DPP6: variants seen among roughly 807,000 people sequenced by gnomAD.
The protein encoded by DPP6 is dipeptidyl peptidase like 6, also known as A-type potassium channel modulatory protein DPP6.
A neutral mutation model predicts 122.6 loss-of-function variants in DPP6; 69 were observed. The ratio of observed to expected loss-of-function variants is 0.56; its 90% CI spans 0.46 to 0.69. The LOEUF is 0.69. DPP6 is among the 30% of genes least tolerant of loss of function. The pLI is 0.00. For synonymous variants in DPP6, 418 were observed against 433.1 expected (o/e 0.97, Z 0.43); for missense variants, 928 against 1,116.9 (o/e 0.83, Z 2.41).
intron 7 of DPP6, among the ~76,000 whole-genome samples, chr7:154,680,952 C>G (rs1839244805): frequency 6.6e-6 from 1 of 152,086 alleles, no homozygotes; most frequent in South Asian, 2.1e-4. Context: ...AGCAGAATAA[C>G]AAAATTCAAG....
chr7:154,215,350 G>T (rs994571997), intron 1 of DPP6, among the ~76,000 whole-genome samples: 1 of 152,098 alleles, frequency 6.6e-6, no homozygotes, highest in Non-Finnish European at 1.5e-5. Flanking sequence ...TCCACAGGTG[G>T]GGATTACAAT....
intron 3 of DPP6, among the ~76,000 whole-genome samples, chr7:154,522,965 C>T (rs1033068744): frequency 2.0e-5 from 3 of 152,202 alleles, no homozygotes; most frequent in Non-Finnish European, 4.4e-5. Context: ...TCCCCCAAAA[C>T]CCACCTCTGG....
chr7:154,389,145 C>T (rs186960672), intron 1 of DPP6, among the ~76,000 whole-genome samples: 47 of 152,188 alleles, frequency 3.1e-4, no homozygotes, highest in East Asian at 5.8e-4. Context: ...TATGTAGAAA[C>T]GTCGATAAAT....
intron 1 of DPP6, among the ~76,000 whole-genome samples, chr7:154,229,618 G>A (rs1450442623): frequency 6.6e-6 from 1 of 152,096 alleles, no homozygotes; most frequent in Admixed American, 6.5e-5. Flanking sequence ...ATTAAAACAA[G>A]TTTTTTTATT....
At chr7:154,637,051 C>T (rs896870933) in intron 5 of DPP6, among the ~76,000 whole-genome samples, 4 of 152,160 alleles carry the variant, frequency 2.6e-5, no homozygotes, top group Admixed American at 1.3e-4. Flanking sequence ...AGGAGGCTGG[C>T]GATGAAGGAT....
chr7:153,869,213 C>G, the DPP6 span, among the ~76,000 whole-genome samples: 1 of 152,298 alleles, frequency 6.6e-6, no homozygotes, highest in East Asian at 1.9e-4. Flanking sequence ...TCCTTGTTAA[C>G]TTTCTGTCTC....
chr7:154,752,302 T>G (rs985578672), intron 8 of DPP6, among the ~76,000 whole-genome samples: 2 of 152,178 alleles, frequency 1.3e-5, no homozygotes, highest in Admixed American at 6.5e-5. Context: ...GGCTTTCTGT[T>G]GTTGGAGGAG....
intron 1 of DPP6, among the ~76,000 whole-genome samples, chr7:154,343,892 T>C (rs531634517): frequency 7.2e-4 from 110 of 152,320 alleles, no homozygotes; most frequent in African/African-American, 2.5e-3. Context: ...ATTTTTGTAT[T>C]ATTAGTAGAG....
intron 10 of DPP6, among the ~76,000 whole-genome samples, chr7:154,776,264 AT>A (rs1796566382): frequency 7.8e-6 from 1 of 127,746 alleles, no homozygotes; most frequent in South Asian, 2.5e-4. Flanking sequence ...TAGATAGATG[AT>A]TGATAGACAG....
At chr7:154,572,146 T>C (rs984728230) in intron 5 of DPP6, among the ~76,000 whole-genome samples, 1 of 152,192 alleles carries the variant, frequency 6.6e-6, no homozygotes, top group African/African-American at 2.4e-5. Flanking sequence ...AGTTTTCATA[T>C]TTGATAAATT....
intron 1 of DPP6, among the ~76,000 whole-genome samples, chr7:154,114,392 A>G (rs1485768677): frequency 6.6e-6 from 1 of 152,114 alleles, no homozygotes; most frequent in East Asian, 1.9e-4. Context: ...GATAATATGA[A>G]GGCTAAATGA....
chr7:154,623,606 C>CGCACGT (rs1834853725), intron 5 of DPP6, among the ~76,000 whole-genome samples: 1 of 93,364 alleles, frequency 1.1e-5, no homozygotes, highest in Non-Finnish European at 2.3e-5. Context: ...CACGCTGACA[C>CGCACGT]ACACGCACGT....
At chr7:154,822,164 G>A (rs1799834607) in intron 16 of DPP6, among the ~76,000 whole-genome samples, 1 of 152,202 alleles carries the variant, frequency 6.6e-6, no homozygotes. Context: ...AGCTCCCAGA[G>A]GCAAGACTGT....
intron 1 of DPP6, among the ~76,000 whole-genome samples, chr7:154,060,867 AC>A (rs1201906637): frequency 1.7e-4 from 18 of 105,356 alleles, no homozygotes; most frequent in African/African-American, 6.7e-4. Context: ...CTTAGGACCC[AC>A]ATCACAGAGT....
chr7:154,423,330 G>A (rs886431052), intron 1 of DPP6, among the ~76,000 whole-genome samples: 6 of 152,056 alleles, frequency 3.9e-5, no homozygotes, highest in African/African-American at 1.4e-4. Context: ...TGGTGTCTGC[G>A]AACTGGCAAT....
At chr7:154,001,555 G>A (rs1585158042) in intron 1 of DPP6, among the ~76,000 whole-genome samples, 1 of 152,002 alleles carries the variant, frequency 6.6e-6, no homozygotes. Flanking sequence ...GGAACTGACA[G>A]CTCCACTGCT....
chr7:154,311,014 G>A (rs1001935949), intron 1 of DPP6, among the ~76,000 whole-genome samples: 2 of 152,154 alleles, frequency 1.3e-5, no homozygotes, highest in Non-Finnish European at 2.9e-5. Flanking sequence ...ATATAATTCG[G>A]GGAGAAAGTG....
intron 21 of DPP6, chr7:154,884,369 TTACA>T (rs759083491): frequency 5.0e-5 from 7 of 139,352 alleles, no homozygotes; most frequent in South Asian, 4.7e-4. Flanking sequence ...CTCACACAAA[TTACA>T]TACACCTGCT....
At chr7:154,127,652 G>GACAC (rs66703506) in intron 1 of DPP6, among the ~76,000 whole-genome samples, 2,186 of 79,082 alleles carry the variant, frequency 0.028, 58 homozygotes, top group African/African-American at 0.07. Context: ...CACACACACA[G>GACAC]ACACACACAC....
Sources: gnomAD v4.1 joint callset for allele counts (sites outside exome capture counted in the v4.1 genomes callset) on GRCh38, gnomAD v4.1.1 for gene constraint, MANE v1.5 for transcripts, NCBI Gene and HGNC (gene_info 2026-07-23, HGNC 2026-07-21) for gene names.